Variants in RBFOX1 observed in about 807,000 individuals in gnomAD.
RBFOX1 encodes RNA binding protein fox-1 homolog 1.
RBFOX1 carries 8 observed loss-of-function variants against 57.7 expected under a neutral mutation model. The observed-to-expected ratio is 0.14, with a 90% CI of 0.08 to 0.25. RBFOX1 has a LOEUF of 0.25. Ranked by LOEUF, RBFOX1 falls within the 10% of genes least tolerant of loss-of-function variation. RBFOX1 has a pLI of 1.00. For synonymous variants in RBFOX1, 326 were observed against 222.4 expected, an observed-to-expected ratio of 1.47 and a Z score of -4.15; for missense variants, 611 against 548.5, an observed-to-expected ratio of 1.11 and a Z score of -1.14.
intron 2 of RBFOX1, among the ~76,000 whole-genome samples, chr16:6,558,679 C>T (rs184323051): frequency 1.1e-4 from 17 of 152,158 alleles, no homozygotes; most frequent in Admixed American, 3.9e-4. Flanking sequence ...CAAAACAAAA[C>T]GCCCAAACAG....
chr16:6,826,194 T>A (rs73532697), intron 3 of RBFOX1, among the ~76,000 whole-genome samples: 7,550 of 152,096 alleles, frequency 0.05, 631 homozygotes, highest in African/African-American at 0.17. Flanking sequence ...AGGTTGTATG[T>A]ATTGAGTCAG....
intron 2 of RBFOX1, among the ~76,000 whole-genome samples, chr16:5,499,043 C>A (rs1461553793): frequency 1.3e-5 from 2 of 152,168 alleles, no homozygotes; most frequent in Non-Finnish European, 1.5e-5. Context: ...CCTGGGATCT[C>A]AATATGCACA....
intron 3 of RBFOX1, among the ~76,000 whole-genome samples, chr16:5,854,759 G>T (rs986038694): frequency 9.2e-5 from 14 of 152,168 alleles, no homozygotes; most frequent in African/African-American, 3.1e-4. Context: ...CAGAAGGATT[G>T]CTGGATCATA....
At chr16:6,767,944 T>TAAGAAG (rs1328651970) in intron 3 of RBFOX1, among the ~76,000 whole-genome samples, 1,543 of 86,320 alleles carry the variant, frequency 0.018, 9 homozygotes, top group Non-Finnish European at 0.023. Flanking sequence ...ATAATAATAA[T>TAAGAAG]AATAAGAAGA....
intron 4 of RBFOX1, among the ~76,000 whole-genome samples, chr16:7,101,071 T>C (rs1463113728): frequency 1.1e-4 from 16 of 152,208 alleles, no homozygotes. Context: ...CTCTCAAGTT[T>C]TCATTCAAAG....
chr16:6,781,730 C>G lies in RBFOX1; in HGVS notation c.-16+127080C>G, dbSNP rs190524911. 3.4e-3 allele frequency among the ~76,000 whole-genome samples: 511 copies of G among 152,202 alleles called. 1 individual carries two copies. Among genetic ancestry groups the G allele is most frequent in the Non-Finnish European group, 5.4e-3 (367 of 68,006 alleles). On this transcript the variant is annotated intron_variant, in intron 3 of 15. Coordinates refer to ENST00000550418, the MANE Select transcript of RBFOX1 (RefSeq NM_018723.4). ...GGCCTATAGTTGATAAAAATACTCT[C>G]TAATTTACCTTTGAATTTCTGTGGT...
At chr16:5,281,215 G>A (rs2063264131) in intron 1 of RBFOX1, among the ~76,000 whole-genome samples, 2 of 152,026 alleles carry the variant, frequency 1.3e-5, no homozygotes, top group African/African-American at 4.8e-5. Context: ...CACGTTTAAT[G>A]TCCATGTATT....
intron 2 of RBFOX1, among the ~76,000 whole-genome samples, chr16:6,344,529 C>G (rs2085062341): frequency 6.6e-6 from 1 of 150,558 alleles, no homozygotes; most frequent in African/African-American, 2.5e-5. Context: ...TCCTGAGTAG[C>G]TGGGACTATA....
intron 3 of RBFOX1, among the ~76,000 whole-genome samples, chr16:5,812,720 C>T (rs1437155697): frequency 1.3e-5 from 2 of 152,148 alleles, no homozygotes; most frequent in South Asian, 2.1e-4. Flanking sequence ...CCTCTGCCTT[C>T]CAAAGTGCTG....
intron 1 of RBFOX1, among the ~76,000 whole-genome samples, chr16:5,448,080 G>A (rs1224629454): frequency 6.6e-6 from 1 of 152,212 alleles, no homozygotes; most frequent in Non-Finnish European, 1.5e-5. Context: ...TCAGTTCTTA[G>A]ACAATTGGCT....
chr16:6,668,366 T>G (rs2098745356), intron 3 of RBFOX1, among the ~76,000 whole-genome samples: 1 of 152,228 alleles, frequency 6.6e-6, no homozygotes, highest in South Asian at 2.1e-4. Context: ...TTTAGTTGTT[T>G]CTGTCACAGA....
Position 6,609,670 on chromosome 16 carries a change from C to T in RBFOX1, c.-63-44933C>T, listed in dbSNP as rs1042889105. ...CTGAAGTTAACCCTATGTAAAGATT[C>T]ACCCAGATGGTTCAGTGTTTCCTTC... On this transcript the variant is annotated intron_variant, in intron 2 of 15. Coordinates refer to ENST00000550418, the MANE Select transcript of RBFOX1 (RefSeq NM_018723.4). Among the ~76,000 whole-genome samples the T allele has an allele frequency of 3.9e-5, 6 of 152,244 alleles. No individual in the cohort carries two copies. In the South Asian group the frequency reaches 1.0e-3, roughly 26 times the overall value.
At chr16:6,389,067 C>T (rs993779331) in intron 2 of RBFOX1, among the ~76,000 whole-genome samples, 2 of 152,188 alleles carry the variant, frequency 1.3e-5, no homozygotes, top group Non-Finnish European at 2.9e-5. Context: ...AGTCTTTTCA[C>T]CCAGCTTGGC....
chr16:6,835,009 C>T (rs967509763), intron 3 of RBFOX1, among the ~76,000 whole-genome samples: 2 of 151,812 alleles, frequency 1.3e-5, no homozygotes, highest in Admixed American at 1.3e-4. Flanking sequence ...TCTCCTGCCT[C>T]AGCCTCCTGA....
chr16:7,429,815 C>G (rs967252813), intron 4 of RBFOX1, among the ~76,000 whole-genome samples: 2 of 152,198 alleles, frequency 1.3e-5, no homozygotes, highest in African/African-American at 4.8e-5. Context: ...CAAACTCTGC[C>G]TTTCCATTCT....
chr16:6,808,178 G>GTGTGTGTGTGTGTGTGTGTGTGTGTA (rs1318609964), intron 3 of RBFOX1, among the ~76,000 whole-genome samples: 1 of 145,544 alleles, frequency 6.9e-6, no homozygotes, highest in Admixed American at 6.9e-5. Context: ...GTGTGTGTGT[G>GTGTGTGTGTGTGTGTGTGTGTGTGTA]TATATATATA....
At chr16:7,276,771 C>G (rs1000684390) in intron 4 of RBFOX1, among the ~76,000 whole-genome samples, 6 of 152,122 alleles carry the variant, frequency 3.9e-5, no homozygotes, top group Admixed American at 1.3e-4. Context: ...TACAAATCCT[C>G]ATAAAATACT....
intron 2 of RBFOX1, among the ~76,000 whole-genome samples, chr16:5,514,047 G>A (rs550151534): frequency 1.2e-3 from 190 of 152,306 alleles, no homozygotes; most frequent in African/African-American, 4.3e-3. Context: ...TTAATGGACT[G>A]AAGCTATCAA....
chr16:5,524,455 A>C (rs2044154332), intron 2 of RBFOX1, among the ~76,000 whole-genome samples: 2 of 152,084 alleles, frequency 1.3e-5, no homozygotes, highest in Non-Finnish European at 2.9e-5. Flanking sequence ...ATATGTGTGC[A>C]TGTCTCTTTA....
Sources: allele counts gnomAD v4.1 joint callset (sites outside exome capture counted in the v4.1 genomes callset), GRCh38; gene constraint gnomAD v4.1.1; transcripts MANE v1.5; gene names NCBI Gene and HGNC (gene_info 2026-07-23, HGNC 2026-07-21).